PPP2R5C: variants seen among roughly 807,000 people sequenced by gnomAD.
The protein encoded by PPP2R5C is serine/threonine-protein phosphatase 2A 56 kDa regulatory subunit gamma isoform.
Under a neutral mutation model 68.9 loss-of-function variants are expected in PPP2R5C, and 7 were observed. The observed-to-expected ratio is 0.10, with a 90% confidence interval of 0.06 to 0.19. The LOEUF is 0.19. PPP2R5C is among the 10% of genes least tolerant of loss of function. The probability of loss-of-function intolerance (pLI) is 1.00; values close to 1 mark genes in which losing one functional copy is unlikely to be tolerated. For synonymous variants in PPP2R5C, 210 were observed against 222.2 expected, an observed-to-expected ratio of 0.95 and a Z score of 0.49; for missense variants, 348 against 641.3, an observed-to-expected ratio of 0.54 and a Z score of 4.94.
At chr14:101,773,081 A>AT (rs1381491788) in intron 2 of PPP2R5C, among the ~76,000 whole-genome samples, 6 of 152,042 alleles carry the variant, frequency 3.9e-5, no homozygotes, top group Non-Finnish European at 7.4e-5. Flanking sequence ...GGATTCCTTC[A>AT]TTCTCAGTCA....
chr14:101,779,494 G>C (rs1037637494), intron 2 of PPP2R5C, among the ~76,000 whole-genome samples: 1 of 152,154 alleles, frequency 6.6e-6, no homozygotes, highest in African/African-American at 2.4e-5. Context: ...GTTTGGGAAC[G>C]GGAAGAGGGC....
Position 101,904,615 on chromosome 14 carries a change from T to C in PPP2R5C, c.1024-1787T>C, listed in dbSNP as rs114073268. On this transcript the variant is annotated intron_variant, in intron 9 of 13. Transcript: ENST00000334743. ...CCTTTTCTGCAAAGTTCATCCCAGC[T>C]CACTGCCTCTGAGGAATCAGCCCTG... is the stretch of plus-strand genomic sequence containing the variant. Among the ~76,000 whole-genome samples, 636 of 152,246 alleles carry C rather than the reference T, an allele frequency of 4.2e-3. 4 individuals carry two copies. The highest frequency in any genetic ancestry group is 0.015 in the African/African-American group (615 of 41,538).
intron 13 of PPP2R5C, among the ~76,000 whole-genome samples, chr14:101,918,318 T>A (rs1289569787): frequency 6.7e-6 from 1 of 148,950 alleles, no homozygotes; most frequent in Non-Finnish European, 1.5e-5. Context: ...CTCCCTTAGC[T>A]CTTCACAGCG....
chr14:101,850,890 G>A (rs1199054297), intron 1 of PPP2R5C, among the ~76,000 whole-genome samples: 2 of 152,218 alleles, frequency 1.3e-5, no homozygotes, highest in African/African-American at 4.8e-5. Context: ...GACATAGAGG[G>A]GAGTGGAATT....
At position 101,803,045 on chromosome 14, in the gene PPP2R5C, T is replaced by C. The variant is rs117167307; in HGVS notation, c.259+16862T>C. The stretch of plus-strand genomic sequence containing the variant: ...GCCCGGACAACGTGGTGAAACTCCA[T>C]CTCTACTAAAAATACAAAAACTAGC... On this transcript the variant is annotated intron_variant, in intron 3 of 14. Coordinates refer to the PPP2R5C transcript ENST00000328724. 8.2e-3 allele frequency among the ~76,000 whole-genome samples: 1,219 copies of C among 149,132 alleles called. 7 individuals carry two copies. The highest frequency in any genetic ancestry group is 0.013 in the Non-Finnish European group (864 of 67,354).
chr14:101,898,499 A>T (rs1254027261), intron 8 of PPP2R5C, among the ~76,000 whole-genome samples: 1 of 152,194 alleles, frequency 6.6e-6, no homozygotes, highest in Non-Finnish European at 1.5e-5. Context: ...ATTCCCACTA[A>T]TATAGTAAAT....
At chr14:101,922,483 T>C (rs1183871379) in intron 13 of PPP2R5C, among the ~76,000 whole-genome samples, 1 of 101,516 alleles carries the variant, frequency 9.9e-6, no homozygotes, top group African/African-American at 7.4e-5. Flanking sequence ...AGCGAGACTC[T>C]GTGTCAAAAA....
chr14:101,919,470 TA>T (rs769307915), intron 13 of PPP2R5C, among the ~76,000 whole-genome samples: 6 of 152,364 alleles, frequency 3.9e-5, no homozygotes, highest in Admixed American at 2.0e-4. Context: ...TTCTTCTTGA[TA>T]TTTTTTTTTA....
intron 2 of PPP2R5C, among the ~76,000 whole-genome samples, chr14:101,865,478 A>G (rs1428447235): frequency 5.3e-5 from 8 of 152,082 alleles, no homozygotes; most frequent in Non-Finnish European, 1.2e-4. Context: ...TGTGGTTGTG[A>G]CTCAGACTGG....
intron 1 of PPP2R5C, among the ~76,000 whole-genome samples, chr14:101,822,079 G>GCCC (rs756270809): frequency 1.7e-4 from 6 of 36,240 alleles, no homozygotes; most frequent in African/African-American, 4.1e-4. Context: ...ACCACCCCCT[G>GCCC]CCCCCCCCCC....
At chr14:101,856,618 A>G in intron 1 of PPP2R5C, 68 bp from the exon 4 acceptor site, 7 of 1,369,274 alleles carry the variant, frequency 5.1e-6, no homozygotes, top group Non-Finnish European at 7.2e-6. Context: ...AGAAAGCTTA[A>G]ATGTGTTTCA....
In PPP2R5C at chr14:101,877,268, G is replaced by T. The variant is rs1232445980; in HGVS notation, c.295-4893G>T. ...CTGGCCTTTACCCTTTCCAATGGAG[G>T]AGAAAATTGAGGCTCAGGCAGGCTG... On this transcript the variant is annotated intron_variant, in intron 2 of 13. Transcript: ENST00000334743. This position sits in a 1 kb window ranked among gnomAD's most constrained non-coding sequence, Gnocchi z 4.2. Among the ~76,000 whole-genome samples, 7 of 152,196 alleles carry T rather than the reference G, an allele frequency of 4.6e-5. No individual in the cohort carries two copies. The highest frequency in any genetic ancestry group is 1.3e-4 in the Admixed American group (2 of 15,290).
At chr14:101,850,943 T>C (rs1156671080) in intron 1 of PPP2R5C, among the ~76,000 whole-genome samples, 1 of 152,232 alleles carries the variant, frequency 6.6e-6, no homozygotes, top group African/African-American at 2.4e-5. Context: ...CCCAAGTTGT[T>C]AGTTCAACTT....
rs554771680 is a variant in PPP2R5C at position 101,817,701 on chromosome 14, C to T, written c.94+7665C>T. Among the ~76,000 whole-genome samples the T allele has an allele frequency of 8.0e-4, 121 of 151,102 alleles. 1 individual carries two copies. Among genetic ancestry groups the T allele is most frequent in the Non-Finnish European group, 1.3e-3 (89 of 67,822 alleles). On this transcript the variant is annotated intron_variant, in intron 1 of 13. Coordinates refer to ENST00000334743, the Ensembl canonical transcript of PPP2R5C. ...TCAGATCACCCCCCATCCCCCACCCCGCCCACCCCAGGCAAGCTGAACTGT... is the reference window on the plus strand; with the variant it reads ...TCAGATCACCCCCCATCCCCCACCCTGCCCACCCCAGGCAAGCTGAACTGT...
At chr14:101,898,381 A>G (rs1447602262) in intron 8 of PPP2R5C, among the ~76,000 whole-genome samples, 4 of 152,156 alleles carry the variant, frequency 2.6e-5, no homozygotes, top group Non-Finnish European at 5.9e-5. Flanking sequence ...ACTGTCTGTC[A>G]GCCTGACCCT....
At chr14:101,894,604 A>G in intron 8 of PPP2R5C, 44 bp downstream of exon 10, 1 of 1,553,172 alleles carries the variant, frequency 6.4e-7, no homozygotes, top group Non-Finnish European at 8.9e-7. Context: ...TGTGCATTTC[A>G]CTAAATGTAA....
upstream of PPP2R5C, among the ~76,000 whole-genome samples, chr14:101,805,647 G>A (rs1025075895): frequency 7.9e-5 from 12 of 152,202 alleles, no homozygotes; most frequent in African/African-American, 2.7e-4. Context: ...AAAGGTGGAA[G>A]CAACCCAAAT....
At chr14:101,905,273 G>C (rs2045960321) in intron 9 of PPP2R5C, among the ~76,000 whole-genome samples, 1 of 152,216 alleles carries the variant, frequency 6.6e-6, no homozygotes, top group African/African-American at 2.4e-5. Flanking sequence ...AGAATCGCTT[G>C]AACCCAGGAG....
Position 101,917,733 on chromosome 14 carries a change from T to C in PPP2R5C, c.1327-98T>C. ...GTGGGCTTCCTGCGGGAGAGGGCCC[T>C]GGGGGGCGGCAGGGGAGATGAGTCC... On this transcript the variant is annotated intron_variant, in intron 12 of 13. Coordinates refer to ENST00000334743, the Ensembl canonical transcript of PPP2R5C. The surrounding 1 kb of genome is among the most constrained non-coding windows in gnomAD (Gnocchi z 4.4). The C allele has an allele frequency of 6.5e-7, 1 of 1,544,358 alleles. No homozygotes were observed. Among genetic ancestry groups the C allele is most frequent in the Non-Finnish European group, 8.8e-7 (1 of 1,139,344 alleles).
Sources: allele counts gnomAD v4.1 joint callset (sites outside exome capture counted in the v4.1 genomes callset), GRCh38; gene constraint gnomAD v4.1.1; non-coding constraint Gnocchi (gnomAD v3.1); transcripts MANE v1.5; gene names NCBI Gene and HGNC (gene_info 2026-07-23, HGNC 2026-07-21).